Variants in HDHD5 observed in about 807,000 individuals in gnomAD.
HDHD5 encodes the protein haloacid dehalogenase-like hydrolase domain-containing 5.
Under a neutral mutation model 35.5 loss-of-function variants are expected in HDHD5, and 34 were observed. The ratio of observed to expected loss-of-function variants is 0.96; its 90% confidence interval spans 0.73 to 1.28. The LOEUF is 1.28. Ranked by LOEUF, HDHD5 falls within the 50% of genes most tolerant of loss-of-function variation. HDHD5 has a pLI of 0.00. For missense variants in HDHD5, 589 were observed against 560.2 expected (o/e 1.05, Z -0.52); for synonymous variants, 248 against 240.6 (o/e 1.03, Z -0.29).
chr22:17,138,587 C>A lies in HDHD5; in HGVS notation c.898G>T (p.Gly300Cys), dbSNP rs769003367. ...AGCTTCCGGATGGGGGCGGCCCAGC[C>A]CCGCCTCTCCGCCTGTCGCCTGATC... ...DLIRRQAERR[G>C]WAAPIRKLYA... Residue 300 changes from glycine to cysteine, a missense_variant, in exon 7 of 8, where the codon GGC becomes TGC. Coordinates refer to ENST00000336737, the MANE Select transcript of HDHD5 (RefSeq NM_033070.3). 2 of 1,614,014 alleles carry A rather than the reference C, an allele frequency of 1.2e-6. No homozygotes were observed. Among genetic ancestry groups the A allele is most frequent in the East Asian group, 2.2e-5 (1 of 44,900 alleles).
intron 3 of HDHD5, among the ~76,000 whole-genome samples, chr22:17,148,076 G>A (rs1204710949): frequency 1.3e-5 from 2 of 152,186 alleles, no homozygotes; most frequent in African/African-American, 4.8e-5. Context: ...GGCACCCCAA[G>A]GAAGAGGCTA....
chr22:17,149,544 C>T lies in HDHD5; in HGVS notation c.328G>A (p.Glu110Lys), dbSNP rs200337729. Residue 110 changes from glutamate (E) to lysine (K), a missense_variant and splice_region_variant, in exon 2 of 8, where the codon GAG becomes AAG. Coordinates refer to ENST00000336737, the MANE Select transcript of HDHD5 (RefSeq NM_033070.3). ...CATGCCTCTGGCTGCCTTCTCACCT[C>T]GCACCCCAGCAGGGCTGACAGCTCC... Reference protein sequence around the residue: ...AQELSALLGCEVDADQVILSH... With the variant: ...AQELSALLGCKVDADQVILSH... 8.8e-5 allele frequency: 141 copies of T among 1,611,168 alleles called. 1 individual carries two copies. The highest frequency in any genetic ancestry group is 2.2e-4 in the Middle Eastern group (1 of 4,538).
rs755251659 is a variant in HDHD5 at position 17,148,496 on chromosome 22, T to A, written c.395A>T (p.Lys132Met). 2 of 1,614,044 alleles carry A rather than the reference T, an allele frequency of 1.2e-6. No homozygotes were observed. Among genetic ancestry groups the A allele is most frequent in the Non-Finnish European group, 1.7e-6 (2 of 1,180,050 alleles). ...CCCCTGTCCAGACACCAGCATCCGC[T>A]TCTCATGGTACTCGGAGAAGAGCTT... Reference protein sequence around the residue: ...PMKLFSEYHEKRMLVSGQGPV... With the variant: ...PMKLFSEYHEMRMLVSGQGPV... Residue 132 changes from lysine to methionine, a missense_variant, in exon 3 of 8, where the codon AAG becomes ATG. Lys to Met is a moderately conservative substitution (Grantham distance 95, BLOSUM62 -1). Transcript: ENST00000336737.
intron 2 of HDHD5, 139 bp downstream of exon 2, chr22:17,149,403 T>C (rs1369015544): frequency 1.3e-6 from 1 of 752,654 alleles, no homozygotes; most frequent in Non-Finnish European, 2.2e-6. Context: ...ACAGGCAGGA[T>C]TTCTGTGTTC....
At chr22:17,140,493 G>A (rs144861299) in intron 6 of HDHD5, among the ~76,000 whole-genome samples, 57 of 152,220 alleles carry the variant, frequency 3.7e-4, no homozygotes, top group Non-Finnish European at 4.6e-4. Context: ...GCTGAGGCAC[G>A]GGGGTCACTT....
At chr22:17,163,173 A>G (rs773552206), upstream of HDHD5, among the ~76,000 whole-genome samples, 45 of 152,220 alleles carry the variant, frequency 3.0e-4, no homozygotes, top group Admixed American at 1.0e-3. Context: ...CCAGTCTTCA[A>G]TCACATGTTA....
chr22:17,160,132 T>C (rs2123884152), upstream of HDHD5, among the ~76,000 whole-genome samples: 1 of 152,316 alleles, frequency 6.6e-6, no homozygotes, highest in South Asian at 2.1e-4. Flanking sequence ...TTCATAGGTA[T>C]AGCTATGCTA....
At chr22:17,148,406 C>T (rs758815971) in intron 3 of HDHD5, 42 bp downstream of exon 3, 1 of 1,516,776 alleles carries the variant, frequency 6.6e-7, no homozygotes, top group Admixed American at 1.7e-5. Context: ...ACACCTCAGC[C>T]CTGCCCCTTC....
chr22:17,157,166 C>T (rs777551927), intron 1 of HDHD5, among the ~76,000 whole-genome samples: 12 of 150,968 alleles, frequency 7.9e-5, no homozygotes, highest in Non-Finnish European at 1.5e-4. Context: ...TTTAGTACAG[C>T]TGTACAATGT....
intron 3 of HDHD5, among the ~76,000 whole-genome samples, 165 bp downstream of exon 3, chr22:17,148,283 T>C (rs1355653521): frequency 6.6e-6 from 1 of 152,062 alleles, no homozygotes. Context: ...CCACCAGACA[T>C]GAGGACTGAC....
chr22:17,140,596 C>A (rs1179480314), intron 6 of HDHD5, among the ~76,000 whole-genome samples: 1 of 151,842 alleles, frequency 6.6e-6, no homozygotes, highest in Non-Finnish European at 1.5e-5. Flanking sequence ...GCAAAAAAAA[C>A]AAAACAAACA....
rs1045097509 is a variant in HDHD5, at chr22:17,137,702, C to T, written c.*319G>A. On this transcript the variant is annotated 3_prime_UTR_variant, in exon 8 of 8. Transcript: ENST00000336737. ...ATCCACAGTATTCCACACTGCCTCC[C>T]CCATTTCAGAAGTCCCTACTGAAAT... 3.1e-6 allele frequency: 1 copy of T among 320,650 alleles called. No homozygotes were observed. Among genetic ancestry groups the T allele is most frequent in the African/African-American group, 2.1e-5 (1 of 47,400 alleles). The allele number at this position is 320,650 out of a possible 1,614,324, so 19.9% of individuals were successfully genotyped here.
At chr22:17,142,342 C>G (rs1340702375) in intron 5 of HDHD5, 1 of 152,260 alleles carries the variant, frequency 6.6e-6, no homozygotes, top group African/African-American at 2.4e-5. Context: ...ATTTTACATA[C>G]AATCACAAAG....
At chr22:17,159,623 C>G, upstream of HDHD5, 1 of 399,958 alleles carries the variant, frequency 2.5e-6, no homozygotes, top group South Asian at 1.7e-5. Flanking sequence ...GGGTCTCAAC[C>G]TTGACTTCAG....
rs577993537 is a variant in HDHD5 at position 17,140,188 on chromosome 22, G to A, written c.746+871C>T. Among the ~76,000 whole-genome samples, 8 of 152,334 alleles carry A rather than the reference G, an allele frequency of 5.3e-5. No homozygotes were observed. In the South Asian group the frequency reaches 1.0e-3, roughly 20 times the overall value. On this transcript the variant is annotated intron_variant, in intron 6 of 7. Transcript: ENST00000336737. Reference sequence around the variant, plus strand: ...ACTGTCGACTGGGGGTCAACAGCAGGCTGAGACTCAAGAGACTGGCCATGC... The same window carrying A: ...ACTGTCGACTGGGGGTCAACAGCAGACTGAGACTCAAGAGACTGGCCATGC...
rs182508588 is a variant in HDHD5, at chr22:17,150,172, A to G, written c.127-427T>C. 2.2e-3 allele frequency among the ~76,000 whole-genome samples: 336 copies of G among 152,150 alleles called. 1 individual carries two copies. The highest frequency in any genetic ancestry group is 7.7e-3 in the African/African-American group (321 of 41,490). On this transcript the variant is annotated intron_variant, in intron 1 of 7. Transcript: ENST00000336737. ...GTTCCCCTTTTTTCTCTATTCTCAT[A>G]TTTGTCTTGTAGCTACAAATGAACT...
chr22:17,162,631 T>G (rs1243702954), upstream of HDHD5, among the ~76,000 whole-genome samples: 2 of 152,238 alleles, frequency 1.3e-5, no homozygotes, highest in Admixed American at 1.3e-4. Flanking sequence ...CCAACATGAT[T>G]ATTGAATCAA....
Position 17,159,210 on chromosome 22 carries a change from A to ACGCGC in HDHD5, c.37_41dup (p.Gly15ArgfsTer51). On this transcript the variant is annotated frameshift_variant, in exon 1 of 8. Transcript: ENST00000336737. LOFTEE classifies it high-confidence loss of function. ...CGCGCGCCGCCCGCCAGCAAAGCCC[A>ACGCGC]CGCGCCGCGCCGAGCGCAGCCACAC... 8.6e-7 allele frequency: 1 copy of ACGCGC among 1,157,636 alleles called. No individual in the cohort carries two copies. The highest frequency in any genetic ancestry group is 1.1e-6 in the Non-Finnish European group (1 of 945,558). The allele number at this position is 1,157,636 out of a possible 1,614,324, so 71.7% of individuals were successfully genotyped here. A position where few individuals can be genotyped will look rare whatever the true frequency, so the allele number is the denominator to read the frequency against.
At chr22:17,163,679 G>A (rs1310899803), upstream of HDHD5, among the ~76,000 whole-genome samples, 3 of 152,118 alleles carry the variant, frequency 2.0e-5, no homozygotes, top group African/African-American at 4.8e-5. Context: ...CCTTGCTTTC[G>A]GTCATCCTCA....
Sources: gnomAD v4.1 joint callset for allele counts (sites outside exome capture counted in the v4.1 genomes callset) on GRCh38, gnomAD v4.1.1 for gene constraint, MANE v1.5 for transcripts, NCBI Gene and HGNC (gene_info 2026-07-23, HGNC 2026-07-21) for gene names.